MYORG: variants seen among roughly 807,000 people sequenced by gnomAD.
MYORG encodes the protein alpha-galactosidase MYORG.
Under a neutral mutation model 49.8 loss-of-function variants are expected in MYORG, and 45 were observed. The ratio of observed to expected loss-of-function variants is 0.90; its 90% CI spans 0.71 to 1.16. The LOEUF is 1.16. MYORG is among the 50% of genes most tolerant of loss of function. MYORG has a pLI of 0.00. For synonymous variants in MYORG, 552 were observed against 462.9 expected, an observed-to-expected ratio of 1.19 and a Z score of -2.47; for missense variants, 1,110 against 1,026.5, an observed-to-expected ratio of 1.08 and a Z score of -1.11.
Position 34,371,614 on chromosome 9 carries a change from A to G in MYORG, c.1330T>C (p.Phe444Leu), listed in dbSNP as rs1330944731. ...DFTHPKARDWFQGHLRRLRSR... is the reference protein window; with the variant it reads ...DFTHPKARDWLQGHLRRLRSR... ...CGCAGCCGCCGCAGGTGTCCCTGGA[A>G]CCAGTCGCGGGCCTTTGGGTGCGTG... is the stretch of plus-strand genomic sequence containing the variant. The change falls in exon 2 of 2, where the codon TTC becomes CTC. Residue 444 changes from phenylalanine (F) to leucine (L), a missense_variant. Coordinates refer to ENST00000297625, the MANE Select transcript of MYORG (RefSeq NM_020702.5). 6 of 1,606,102 alleles carry G rather than the reference A, an allele frequency of 3.7e-6. No homozygotes were observed. The highest frequency in any genetic ancestry group is 5.1e-6 in the Non-Finnish European group (6 of 1,178,116).
Position 34,368,303 on chromosome 9 carries a change from T to C in MYORG, c.*2496A>G, listed in dbSNP as rs1820530834. ...AGACATTTTCCCCATGTCTTAGTGA[T>C]TAACATTTGGCTCCTTGTTACTTAT... On this transcript the variant is annotated 3_prime_UTR_variant, in exon 2 of 2. Coordinates refer to ENST00000297625, the MANE Select transcript of MYORG (RefSeq NM_020702.5). 6.6e-6 allele frequency: 1 copy of C among 152,268 alleles called. No homozygotes were observed. Among genetic ancestry groups the C allele is most frequent in the Non-Finnish European group, 1.5e-5 (1 of 68,046 alleles). 9.4% of individuals were successfully genotyped at this position (152,268 alleles called of 1,614,324 possible).
In MYORG at chr9:34,376,212, G is replaced by A. The variant is rs1448556139; in HGVS notation, c.-64+581C>T. ...CCACGAAGACCACGAGGGCAGCAAAGAGGGCAATTTTAATGGCATCTGGTA... is the reference window on the plus strand; with the variant it reads ...CCACGAAGACCACGAGGGCAGCAAAAAGGGCAATTTTAATGGCATCTGGTA... On this transcript the variant is annotated intron_variant, in intron 1 of 1. Coordinates refer to ENST00000297625, the MANE Select transcript of MYORG (RefSeq NM_020702.5). The surrounding 1 kb of genome is among the most constrained non-coding windows in gnomAD (Gnocchi z 4.4). Among the ~76,000 whole-genome samples the A allele has an allele frequency of 1.3e-5, 2 of 152,218 alleles. No individual in the cohort carries two copies. The highest frequency in any genetic ancestry group is 4.8e-5 in the African/African-American group (2 of 41,456).
rs1405230359 is a variant in MYORG at position 34,369,876 on chromosome 9, A to G, written c.*923T>C. The G allele has an allele frequency of 6.6e-6, 1 of 152,238 alleles. No individual in the cohort carries two copies. Among genetic ancestry groups the G allele is most frequent in the African/African-American group, 2.4e-5 (1 of 41,442 alleles). The allele number at this position is 152,238 out of a possible 1,614,324, so 9.4% of individuals were successfully genotyped here. A position where few individuals can be genotyped will look rare whatever the true frequency, so the allele number is the denominator to read the frequency against. On this transcript the variant is annotated 3_prime_UTR_variant, in exon 2 of 2. Transcript: ENST00000297625. ...TTTATTTCCTACGAGAGTCCTGGGGAAACCGCCTGGGAGGAGGCTGGCTCA... is the reference window on the plus strand; with the variant it reads ...TTTATTTCCTACGAGAGTCCTGGGGGAACCGCCTGGGAGGAGGCTGGCTCA...
rs1820559789 is a variant in MYORG, at chr9:34,369,880, C to T, written c.*919G>A. 1.3e-5 allele frequency: 2 copies of T among 152,232 alleles called. No homozygotes were observed. The highest frequency in any genetic ancestry group is 2.9e-5 in the Non-Finnish European group (2 of 68,080). The allele number at this position is 152,232 out of a possible 1,614,324, so 9.4% of individuals were successfully genotyped here. A position where few individuals can be genotyped will look rare whatever the true frequency, so the allele number is the denominator to read the frequency against. ...TTTCCTACGAGAGTCCTGGGGAAAC[C>T]GCCTGGGAGGAGGCTGGCTCAGCAA... is the stretch of plus-strand genomic sequence containing the variant. On this transcript the variant is annotated 3_prime_UTR_variant, in exon 2 of 2. Transcript: ENST00000297625.
intron 1 of MYORG, among the ~76,000 whole-genome samples, chr9:34,374,066 C>G (rs1820683753): frequency 6.6e-6 from 1 of 152,220 alleles, no homozygotes; most frequent in African/African-American, 2.4e-5. Context: ...AATCCATTTC[C>G]ATGCCTGCCT....
chr9:34,372,118 C>T lies in MYORG; in HGVS notation c.826G>A (p.Ala276Thr). Residue 276 changes from alanine to threonine, a missense_variant, in exon 2 of 2, where the codon GCG (alanine) becomes ACG (threonine). By Grantham distance (58) the Ala-to-Thr change is moderately conservative. Coordinates refer to ENST00000297625, the MANE Select transcript of MYORG (RefSeq NM_020702.5). ...PYKPPAGRAA[A>T]PELSYRVCVG... Reference sequence around the variant, plus strand: ...CACACTCGGTAGCTCAGCTCTGGCGCTGCGGCGCGGCCGGCGGGTGGCTTG... The same window carrying T: ...CACACTCGGTAGCTCAGCTCTGGCGTTGCGGCGCGGCCGGCGGGTGGCTTG... 6.2e-7 allele frequency: 1 copy of T among 1,612,864 alleles called. No individual in the cohort carries two copies. Among genetic ancestry groups the T allele is most frequent in the Admixed American group, 1.7e-5 (1 of 60,018 alleles).
Position 34,371,971 on chromosome 9 carries a change from C to T in MYORG, c.973G>A (p.Gly325Arg), listed in dbSNP as rs561757731. ...DPIWSTWALY[G>R]RAVDQDKVLR... ...ACCTTGTCCTGGTCCACGGCGCGCCCGTACAGCGCCCATGTGGACCAAATG... is the reference window on the plus strand; with the variant it reads ...ACCTTGTCCTGGTCCACGGCGCGCCTGTACAGCGCCCATGTGGACCAAATG... Residue 325 changes from glycine (G) to arginine (R), a missense_variant, in exon 2 of 2, where the codon GGG becomes AGG. Physicochemically the swap from Gly to Arg is moderately radical, Grantham distance 125. Transcript: ENST00000297625. 12 of 1,614,016 alleles carry T rather than the reference C, an allele frequency of 7.4e-6. No homozygotes were observed. In the South Asian group the frequency reaches 7.7e-5, roughly 10 times the overall value.
chr9:34,373,547 G>GTTGA (rs895107361), intron 1 of MYORG, among the ~76,000 whole-genome samples: 15 of 152,234 alleles, frequency 9.9e-5, no homozygotes, highest in African/African-American at 3.4e-4. Context: ...CTGCCTCTTG[G>GTTGA]GTTCAAGCGG....
intron 1 of MYORG, among the ~76,000 whole-genome samples, chr9:34,375,425 C>T (rs1820703427): frequency 6.6e-6 from 1 of 152,172 alleles, no homozygotes; most frequent in African/African-American, 2.4e-5. Flanking sequence ...ACTTAGCTTT[C>T]CTCCCCATTC....
rs760082361 is a variant in MYORG at position 34,372,134 on chromosome 9, G to C, written c.810C>G (p.Pro270=). The change falls in exon 2 of 2, where the codon CCC becomes CCG. Residue 270 remains proline (P), a synonymous_variant. Coordinates refer to ENST00000297625, the MANE Select transcript of MYORG (RefSeq NM_020702.5). ...ARYHDTPYKP[P]AGRAAAPELS... ...GCTCTGGCGCTGCGGCGCGGCCGGC[G>C]GGTGGCTTGTAGGGCGTGTCGTGGT... 1.2e-6 allele frequency: 2 copies of C among 1,611,998 alleles called. No homozygotes were observed. The highest frequency in any genetic ancestry group is 1.1e-5 in the South Asian group (1 of 91,052).
rs752996895 is a variant in MYORG at position 34,372,895 on chromosome 9, G to T, written c.49C>A (p.Arg17=). The T allele has an allele frequency of 4.4e-6, 7 of 1,609,012 alleles. No individual in the cohort carries two copies. In the African/African-American group the frequency reaches 8.0e-5, roughly 18 times the overall value. The change falls in exon 2 of 2, where the codon CGG becomes AGG. Residue 17 remains arginine (R), a synonymous_variant. Transcript: ENST00000297625. ...EKSQAYPRRR[R]PGCYAYRQNP... The stretch of plus-strand genomic sequence containing the variant: ...TGACGGTATGCGTAGCAGCCAGGCC[G>T]GCGGCGGCGGGGGTAGGCCTGGCTC...
At position 34,371,582 on chromosome 9, in the gene MYORG, G is replaced by A. The variant is rs927037584; in HGVS notation, c.1362C>T (p.Arg454=). Residue 454 remains arginine, a synonymous_variant, in exon 2 of 2, where the codon CGC becomes CGT. Transcript: ENST00000297625. The stretch of plus-strand genomic sequence containing the variant: ...CGAACTTGAAGGAAGCCACGGAGTA[G>A]CGAGAGCGCAGCCGCCGCAGGTGTC... ...FQGHLRRLRS[R]YSVASFKFDA... 17 of 1,604,438 alleles carry A rather than the reference G, an allele frequency of 1.1e-5. No individual in the cohort carries two copies. The highest frequency in any genetic ancestry group is 1.3e-5 in the Non-Finnish European group (15 of 1,178,840).
rs113758232 is a variant in MYORG at position 34,366,945 on chromosome 9, G to T, written c.*3854C>A. 6.1e-3 allele frequency: 924 copies of T among 152,310 alleles called. 3 individuals are homozygous for T. Among genetic ancestry groups the T allele is most frequent in the Admixed American group, 0.012 (185 of 15,290 alleles). 9.4% of individuals were successfully genotyped at this position (152,310 alleles called of 1,614,324 possible). Reference sequence around the variant, plus strand: ...GAGAAAATAAAGAAGGTAGAGGAGTGGTGTATTAGTCTGTTTTCACACTGC... The same window carrying T: ...GAGAAAATAAAGAAGGTAGAGGAGTTGTGTATTAGTCTGTTTTCACACTGC... On this transcript the variant is annotated 3_prime_UTR_variant, in exon 2 of 2. Coordinates refer to ENST00000297625, the MANE Select transcript of MYORG (RefSeq NM_020702.5).
rs763615470 is a variant in MYORG at position 34,371,114 on chromosome 9, C to T, written c.1830G>A (p.Leu610=). Residue 610 remains leucine, a synonymous_variant, in exon 2 of 2, where the codon CTG becomes CTA. Transcript: ENST00000297625. ...ACAGCGGTGCCACAAGCGAGGCCCG[C>T]AGGGCGGCGAACTTCTGCGCGATGG... ...VVAIAQKFAA[L]RASLVAPLLL... 2.5e-6 allele frequency: 4 copies of T among 1,608,196 alleles called. No homozygotes were observed. In the Admixed American group the frequency reaches 5.0e-5, roughly 20 times the overall value.
chr9:34,372,100 G>T lies in MYORG; in HGVS notation c.844C>A (p.Arg282=), dbSNP rs769548622. 5 of 1,613,270 alleles carry T rather than the reference G, an allele frequency of 3.1e-6. No homozygotes were observed. The highest frequency in any genetic ancestry group is 4.2e-6 in the Non-Finnish European group (5 of 1,179,844). The change falls in exon 2 of 2, where the codon CGA becomes AGA. Residue 282 remains arginine, a synonymous_variant. Transcript: ENST00000297625. ...GTGACGTCTGAGCCCACGCACACTC[G>T]GTAGCTCAGCTCTGGCGCTGCGGCG... ...GRAAAPELSY[R]VCVGSDVTSI...
rs1392936076 is a variant in MYORG at position 34,376,291 on chromosome 9, G to A, written c.-64+502C>T. On this transcript the variant is annotated intron_variant, in intron 1 of 1. Transcript: ENST00000297625. The surrounding 1 kb of genome is among the most constrained non-coding windows in gnomAD (Gnocchi z 4.4). ...TTCCGGTGTTAACAGTGGTGCCAGA[G>A]ACCTCTGTAATCTGCCGCCTCCGCC... is the stretch of plus-strand genomic sequence containing the variant. Among the ~76,000 whole-genome samples the A allele has an allele frequency of 1.3e-5, 2 of 152,340 alleles. No individual in the cohort carries two copies. Among genetic ancestry groups the A allele is most frequent in the South Asian group, 2.1e-4 (1 of 4,826 alleles).
In MYORG at chr9:34,372,010, C is replaced by T; in HGVS notation, c.934G>A (p.Ala312Thr). ...NKPSRVPAPE[A>T]FRDPIWSTWA... Reference sequence around the variant, plus strand: ...GTGGACCAAATGGGGTCTCGGAAGGCCTCGGGTGCTGGCACCCTTGACGGC... The same window carrying T: ...GTGGACCAAATGGGGTCTCGGAAGGTCTCGGGTGCTGGCACCCTTGACGGC... The change falls in exon 2 of 2, where the codon GCC (alanine) becomes ACC (threonine). Residue 312 changes from alanine to threonine, a missense_variant. Coordinates refer to ENST00000297625, the MANE Select transcript of MYORG (RefSeq NM_020702.5). 5 of 1,614,050 alleles carry T rather than the reference C, an allele frequency of 3.1e-6. No homozygotes were observed. Among genetic ancestry groups the T allele is most frequent in the Non-Finnish European group, 4.2e-6 (5 of 1,179,894 alleles).
chr9:34,374,199 C>T lies in MYORG; in HGVS notation c.-63-1193G>A, dbSNP rs1820684979. 2.0e-5 allele frequency among the ~76,000 whole-genome samples: 3 copies of T among 152,182 alleles called. 1 individual carries two copies. In the South Asian group the frequency reaches 6.2e-4, roughly 31 times the overall value. On this transcript the variant is annotated intron_variant, in intron 1 of 1. Coordinates refer to ENST00000297625, the MANE Select transcript of MYORG (RefSeq NM_020702.5). ...TCTCCCCTGTATTACCAAACGCTTC[C>T]CCCAACAGGCCTCTCTGACTCTAAC...
chr9:34,372,610 GGAA>G lies in MYORG; in HGVS notation c.331_333del (p.Phe111del). 6.2e-7 allele frequency: 1 copy of G among 1,604,604 alleles called. No homozygotes were observed. The highest frequency in any genetic ancestry group is 8.5e-7 in the Non-Finnish European group (1 of 1,176,110). On this transcript the variant is annotated inframe_deletion, in exon 2 of 2. Transcript: ENST00000297625. ...AGCGCGCCGGAGCGGAAGGCCAGGC[GGAA>G]GACCTGCTCTCCCTTCTGATTGCGG... is the stretch of plus-strand genomic sequence containing the variant.
Sources: gnomAD v4.1 joint callset for allele counts (sites outside exome capture counted in the v4.1 genomes callset) on GRCh38, gnomAD v4.1.1 for gene constraint, Gnocchi (gnomAD v3.1) non-coding constraint, MANE v1.5 for transcripts, NCBI Gene and HGNC (gene_info 2026-07-23, HGNC 2026-07-21) for gene names.